Variants in MFN2 observed in about 807,000 individuals in gnomAD.
The protein encoded by MFN2 is mitofusin-2.
In MFN2, 43 loss-of-function variants were observed where a neutral mutation model predicts 87.5. The observed-to-expected ratio is 0.49, with a 90% confidence interval of 0.38 to 0.63. The LOEUF (loss-of-function observed/expected upper bound fraction) is 0.63, where lower values mean the gene tolerates loss of function less well. MFN2 is among the 30% of genes least tolerant of loss of function. The pLI is 0.00. For synonymous variants in MFN2, 337 were observed against 359.9 expected (o/e 0.94, Z 0.72); for missense variants, 743 against 972.8 (o/e 0.76, Z 3.14).
intron 1 of MFN2, 36 bp from the exon 2 acceptor site, chr1:11,981,934 G>A (rs1645993701): frequency 2.5e-5 from 1 of 40,730 alleles, no homozygotes; most frequent in Admixed American, 1.7e-4. Flanking sequence ...TTTTTTTTTG[G>A]ACACCGGATC....
chr1:12,004,753 T>A lies in MFN2; in HGVS notation c.1393-72T>A. ...CCAGGCTTCCGTCAGCCTTCTGGGG[T>A]CACCTGGTGGATGTGGCCTGAAGGG... On this transcript the variant is annotated intron_variant, in intron 13 of 18. Transcript: ENST00000235329. The surrounding 1 kb of genome is among the most constrained non-coding windows in gnomAD (Gnocchi z 4.2). 1 of 1,525,730 alleles carries A rather than the reference T, an allele frequency of 6.6e-7. No homozygotes were observed. Among genetic ancestry groups the A allele is most frequent in the Non-Finnish European group, 9.1e-7 (1 of 1,102,798 alleles). 94.5% of individuals were successfully genotyped at this position (1,525,730 alleles called of 1,614,324 possible). A position where few individuals can be genotyped will look rare whatever the true frequency, so the allele number is the denominator to read the frequency against.
At chr1:11,995,114 T>C (rs1256707577) in intron 4 of MFN2, among the ~76,000 whole-genome samples, 1 of 152,050 alleles carries the variant, frequency 6.6e-6, no homozygotes, top group African/African-American at 2.4e-5. Flanking sequence ...TGGTCGCAGC[T>C]ATAGTCTATA....
chr1:11,995,595 T>C (rs1407905951), intron 4 of MFN2, among the ~76,000 whole-genome samples: 1 of 151,952 alleles, frequency 6.6e-6, no homozygotes. Flanking sequence ...ATCGTGCCAC[T>C]GCACTCCAGC....
chr1:11,994,960 A>G (rs1465284276), intron 4 of MFN2, among the ~76,000 whole-genome samples: 1 of 152,124 alleles, frequency 6.6e-6, no homozygotes, highest in East Asian at 1.9e-4. Flanking sequence ...AGAAGCAGAA[A>G]TGGTGGGGTG....
chr1:11,980,788 C>G (rs1486547792), intron 1 of MFN2, among the ~76,000 whole-genome samples: 1 of 152,244 alleles, frequency 6.6e-6, no homozygotes, highest in Non-Finnish European at 1.5e-5. Context: ...CTTCATTTTG[C>G]CAGCATTTAC....
At chr1:11,991,982 A>T (rs1638705542) in intron 3 of MFN2, among the ~76,000 whole-genome samples, 1 of 146,188 alleles carries the variant, frequency 6.8e-6, no homozygotes, top group Non-Finnish European at 1.5e-5. Flanking sequence ...AAGAGCCTGG[A>T]CTCCAGAGCC....
intron 2 of MFN2, among the ~76,000 whole-genome samples, chr1:11,988,333 G>A (rs1638515794): frequency 6.6e-6 from 1 of 151,410 alleles, no homozygotes; most frequent in African/African-American, 2.4e-5. Context: ...TTGAACTCCT[G>A]ACCTTGTGAT....
At chr1:11,983,647 A>G (rs1557511218) in intron 2 of MFN2, among the ~76,000 whole-genome samples, 1 of 152,182 alleles carries the variant, frequency 6.6e-6, no homozygotes, top group South Asian at 2.1e-4. Context: ...AAGGCTTTCC[A>G]GAGGCAGAGG....
intron 17 of MFN2, 134 bp from the exon 18 acceptor site, chr1:12,009,458 C>A: frequency 1.5e-6 from 2 of 1,290,768 alleles, no homozygotes; most frequent in Non-Finnish European, 2.2e-6. Flanking sequence ...TTCTGCCAAA[C>A]CAGGCCTGGC....
chr1:11,983,783 G>T (rs1365646195), intron 2 of MFN2, among the ~76,000 whole-genome samples: 1 of 152,212 alleles, frequency 6.6e-6, no homozygotes, highest in African/African-American at 2.4e-5. Flanking sequence ...TCTCTATGAG[G>T]CATCAGAGGA....
In MFN2 at chr1:12,004,366, C is replaced by T; in HGVS notation, c.1288-143C>T. 1 of 935,996 alleles carries T rather than the reference C, an allele frequency of 1.1e-6. No individual in the cohort carries two copies. Among genetic ancestry groups the T allele is most frequent in the South Asian group, 1.3e-5 (1 of 76,612 alleles). The allele number at this position is 935,996 out of a possible 1,614,324, so 58.0% of individuals were successfully genotyped here. ...GCCAGTTTCCCAGACCCTCTCACTT[C>T]AGAGGCTTTAATTCCATAGAGGAGC... On this transcript the variant is annotated intron_variant, in intron 12 of 18. Transcript: ENST00000235329. The surrounding 1 kb of genome is among the most constrained non-coding windows in gnomAD (Gnocchi z 4.2).
chr1:12,009,844 A>G lies in MFN2; in HGVS notation c.2204+118A>G, dbSNP rs77738831. ...ACACAAATTTTTCTGGTGGGGATTT[A>G]GCTCATTCGTGTTAGATGTGTACCA... On this transcript the variant is annotated intron_variant, in intron 18 of 18. Transcript: ENST00000235329. The G allele has an allele frequency of 2.7e-3, 3,934 of 1,462,446 alleles. 76 individuals carry two copies. The African/African-American group carries it at 0.046, about 17-fold the overall frequency. The allele number at this position is 1,462,446 out of a possible 1,614,324, so 90.6% of individuals were successfully genotyped here.
chr1:11,986,738 C>G (rs1348697764), intron 2 of MFN2, among the ~76,000 whole-genome samples: 14 of 151,964 alleles, frequency 9.2e-5, no homozygotes, highest in Non-Finnish European at 2.1e-4. Flanking sequence ...TTACAGGTGC[C>G]TGCCACCATG....
intron 8 of MFN2, among the ~76,000 whole-genome samples, chr1:11,999,549 G>T (rs773723732): frequency 2.0e-5 from 3 of 151,966 alleles, no homozygotes. Flanking sequence ...GTAGAGACGG[G>T]GTTTTGTCAT....
At chr1:12,010,285 C>T (rs1470635058) in intron 18 of MFN2, among the ~76,000 whole-genome samples, 1 of 152,234 alleles carries the variant, frequency 6.6e-6, no homozygotes, top group Non-Finnish European at 1.5e-5. Context: ...CACAGTACTG[C>T]GAGACTGCAG....
chr1:12,009,668 G>T lies in MFN2; in HGVS notation c.2146G>T (p.Ala716Ser), dbSNP rs144860227. ...TRENLEQEIA[A>S]MNKKIEVLDS... ...GGAGAACCTGGAGCAGGAAATTGCC[G>T]CCATGAACAAGAAAATTGAGGTTCT... The change falls in exon 18 of 19, where the codon GCC becomes TCC. Residue 716 changes from alanine (A) to serine (S), a missense_variant. Around this residue, in one of 3 missense-constraint regions of MFN2, gnomAD observed 571 missense variants for 670.7 expected, o/e 0.85. Transcript: ENST00000235329. 3.1e-6 allele frequency: 5 copies of T among 1,614,064 alleles called. No individual in the cohort carries two copies. Among genetic ancestry groups the T allele is most frequent in the Non-Finnish European group, 4.2e-6 (5 of 1,180,040 alleles).
chr1:11,983,310 A>G (rs1411924295), intron 2 of MFN2, among the ~76,000 whole-genome samples: 1 of 152,112 alleles, frequency 6.6e-6, no homozygotes, highest in Admixed American at 6.6e-5. Context: ...TGACCTTGTG[A>G]TCTACCCACC....
chr1:11,997,362 T>C lies in MFN2; in HGVS notation c.540T>C (p.Ser180=). The C allele has an allele frequency of 6.2e-7, 1 of 1,614,074 alleles. No individual in the cohort carries two copies. Among genetic ancestry groups the C allele is most frequent in the African/African-American group, 1.3e-5 (1 of 75,010 alleles). The part of the protein sequence containing the change: ...DKQLHAGSLV[S]VMWPNSKCPL... ...AGCTCCATGCCGGCAGCCTAGTGAGTGTGATGTGGCCCAACTCTAAGTGCC... is the reference window on the plus strand; with the variant it reads ...AGCTCCATGCCGGCAGCCTAGTGAGCGTGATGTGGCCCAACTCTAAGTGCC... Residue 180 remains serine (S), a synonymous_variant, in exon 6 of 19, where the codon AGT becomes AGC. Transcript: ENST00000235329.
At chr1:12,006,751 A>C (rs891657996) in intron 16 of MFN2, 58 bp downstream of exon 16, 46 of 1,608,376 alleles carry the variant, frequency 2.9e-5, no homozygotes, top group Non-Finnish European at 3.6e-5. Flanking sequence ...GCGGGGCCTG[A>C]GGGCTAGGTT....
Sources: gnomAD v4.1 joint callset for allele counts (sites outside exome capture counted in the v4.1 genomes callset) on GRCh38, gnomAD v4.1.1 for gene constraint, gnomAD v4.1.1 regional missense constraint, Gnocchi (gnomAD v3.1) non-coding constraint, MANE v1.5 for transcripts, NCBI Gene and HGNC (gene_info 2026-07-23, HGNC 2026-07-21) for gene names.